Variants in ACAP3 observed in about 807,000 individuals in gnomAD.
ACAP3 encodes arf-GAP with coiled-coil, ANK repeat and PH domain-containing protein 3.
Under a neutral mutation model 104.1 loss-of-function variants are expected in ACAP3, and 56 were observed. That is an observed-to-expected ratio of 0.54 (90% CI 0.43 to 0.67). The LOEUF is 0.67. Ranked by LOEUF, ACAP3 falls within the 30% of genes least tolerant of loss-of-function variation. ACAP3 has a pLI of 0.00. For missense variants in ACAP3, 1,208 were observed against 1,174.9 expected (o/e 1.03, Z -0.41); for synonymous variants, 628 against 496.2 (o/e 1.27, Z -3.53).
At chr1:1,304,386 G>A (rs1405388564) in intron 1 of ACAP3, 2 of 592,616 alleles carry the variant, frequency 3.4e-6, no homozygotes, top group Admixed American at 6.0e-5. Context: ...AAGAAGGCTG[G>A]ACCAGCCTCT....
At chr1:1,297,801 C>G (rs759534335) in intron 14 of ACAP3, 21 bp downstream of exon 14, 1 of 1,606,700 alleles carries the variant, frequency 6.2e-7, no homozygotes, top group Non-Finnish European at 8.5e-7. Flanking sequence ...GGGCTTGGGG[C>G]AGGGGCACCA....
intron 6 of ACAP3, 138 bp from the exon 7 acceptor site, chr1:1,300,340 C>T: frequency 1.6e-6 from 2 of 1,264,268 alleles, no homozygotes; most frequent in Non-Finnish European, 2.2e-6. Context: ...TCTGGGCCAG[C>T]CTCATCCTCC....
intron 5 of ACAP3, chr1:1,301,695 T>A: frequency 3.9e-5 from 9 of 231,124 alleles, no homozygotes; most frequent in Non-Finnish European, 5.7e-5. Flanking sequence ...CCCACCTCAC[T>A]CTCAAGATCT....
Position 1,298,684 on chromosome 1 carries a change from G to C in ACAP3, c.751-5C>G, listed in dbSNP as rs371228230. 2.0e-5 allele frequency: 33 copies of C among 1,610,476 alleles called. No homozygotes were observed. Among genetic ancestry groups the C allele is most frequent in the Non-Finnish European group, 2.6e-5 (31 of 1,178,072 alleles). ...GGACTCATCGTAGGAGAAGTCCTGG[G>C]GGGATGGAACCCGCCCCCTCAGTGC... On this transcript the variant is annotated splice_region_variant and splice_polypyrimidine_tract_variant and intron_variant, in intron 10 of 23. Coordinates refer to ENST00000354700, the MANE Select transcript of ACAP3 (RefSeq NM_030649.3).
chr1:1,303,178 C>T lies in ACAP3; in HGVS notation c.209G>A (p.Gly70Asp). ...GVRDLSQQCQ[G>D]DTVISECLQR... ...GCCCCTCACCGAGATGACGGTGTCGCCCTGGCACTGCTGGGACAGGTCGCG... is the reference window on the plus strand; with the variant it reads ...GCCCCTCACCGAGATGACGGTGTCGTCCTGGCACTGCTGGGACAGGTCGCG... The change falls in exon 3 of 24, where the codon GGC becomes GAC. Residue 70 changes from glycine (G) to aspartate (D), a missense_variant. By Grantham distance (94) the Gly-to-Asp change is moderately conservative. Transcript: ENST00000354700. The surrounding 1 kb of genome is among the most constrained non-coding windows in gnomAD (Gnocchi z 4.0). The T allele has an allele frequency of 6.2e-7, 1 of 1,604,554 alleles. No homozygotes were observed. Among genetic ancestry groups the T allele is most frequent in the Non-Finnish European group, 8.5e-7 (1 of 1,176,548 alleles).
rs1321205566 is a variant in ACAP3 at position 1,298,687 on chromosome 1, G to T, written c.751-8C>A. The T allele has an allele frequency of 6.2e-7, 1 of 1,607,600 alleles. No homozygotes were observed. The highest frequency in any genetic ancestry group is 1.7e-5 in the Admixed American group (1 of 59,852). On this transcript the variant is annotated splice_region_variant and splice_polypyrimidine_tract_variant and intron_variant, in intron 10 of 23. Transcript: ENST00000354700. Reference sequence around the variant, plus strand: ...CTCATCGTAGGAGAAGTCCTGGGGGGATGGAACCCGCCCCCTCAGTGCCCA... The same window carrying T: ...CTCATCGTAGGAGAAGTCCTGGGGGTATGGAACCCGCCCCCTCAGTGCCCA...
Position 1,294,540 on chromosome 1 carries a change from G to C in ACAP3, c.2001C>G (p.His667Gln). The C allele has an allele frequency of 6.7e-7, 1 of 1,497,292 alleles. No homozygotes were observed. The highest frequency in any genetic ancestry group is 8.8e-7 in the Non-Finnish European group (1 of 1,133,476). The allele number at this position is 1,497,292 out of a possible 1,614,324, so 92.8% of individuals were successfully genotyped here. A position where few individuals can be genotyped will look rare whatever the true frequency, so the allele number is the denominator to read the frequency against. The change falls in exon 21 of 24, where the codon CAC becomes CAG. Residue 667 changes from histidine (H) to glutamine (Q), a missense_variant. His to Gln is a conservative substitution (Grantham distance 24). Coordinates refer to ENST00000354700, the MANE Select transcript of ACAP3 (RefSeq NM_030649.3). Reference protein sequence around the residue: ...AWGLADVRELHPGLLAHRAAR... With the variant: ...AWGLADVRELQPGLLAHRAAR... ...CTGCGCGGTGCGCCAAGAGCCCCGG[G>C]TGCAGCTCGCGCACGTCCGCCAGGC... is the stretch of plus-strand genomic sequence containing the variant.
At position 1,293,677 on chromosome 1, in the gene ACAP3, GCATTT is replaced by G; in HGVS notation, c.2387_2391del (p.Glu796AlafsTer70). 7.0e-7 allele frequency: 1 copy of G among 1,435,970 alleles called. No homozygotes were observed. Among genetic ancestry groups the G allele is most frequent in the Non-Finnish European group, 9.1e-7 (1 of 1,103,972 alleles). 89.0% of individuals were successfully genotyped at this position (1,435,970 alleles called of 1,614,324 possible). On this transcript the variant is annotated frameshift_variant, in exon 24 of 24. Coordinates refer to ENST00000354700, the MANE Select transcript of ACAP3 (RefSeq NM_030649.3). LOFTEE classifies it high-confidence loss of function. ...GGACCAGGGGCAGCCTCGGCCTCGC[GCATTT>G]CCTCCGCCATGCGCGCCAGACGGAG... is the stretch of plus-strand genomic sequence containing the variant.
intron 5 of ACAP3, chr1:1,301,358 C>G (rs1641437205): frequency 6.7e-6 from 1 of 149,904 alleles, no homozygotes; most frequent in Non-Finnish European, 1.5e-5. Flanking sequence ...CTCCTGGGCT[C>G]AACTGATCCT....
rs569344145 is a variant in ACAP3, at chr1:1,303,179, C to T, written c.208G>A (p.Gly70Ser). Residue 70 changes from glycine to serine, a missense_variant, in exon 3 of 24, where the codon GGC becomes AGC. Transcript: ENST00000354700. The surrounding 1 kb of genome is among the most constrained non-coding windows in gnomAD (Gnocchi z 4.0). ...CCCCTCACCGAGATGACGGTGTCGC[C>T]CTGGCACTGCTGGGACAGGTCGCGG... is the stretch of plus-strand genomic sequence containing the variant. ...GVRDLSQQCQ[G>S]DTVISECLQR... 2.5e-6 allele frequency: 4 copies of T among 1,604,872 alleles called. No individual in the cohort carries two copies. The highest frequency in any genetic ancestry group is 2.2e-5 in the South Asian group (2 of 89,304).
At position 1,293,607 on chromosome 1, in the gene ACAP3, C is replaced by G; in HGVS notation, c.2462G>C (p.Arg821Thr). 1 of 1,496,890 alleles carries G rather than the reference C, an allele frequency of 6.7e-7. No individual in the cohort carries two copies. The highest frequency in any genetic ancestry group is 8.9e-7 in the Non-Finnish European group (1 of 1,128,368). 92.7% of individuals were successfully genotyped at this position (1,496,890 alleles called of 1,614,324 possible). ...GAGGCTGATGAACTCCTGGATACAC[C>G]TGCGGAACTGGAGCTCCGTGGGGCT... ...AGSPTELQFR[R>T]CIQEFISLHL... Residue 821 changes from arginine to threonine, a missense_variant, in exon 24 of 24, where the codon AGG becomes ACG. Physicochemically the swap from Arg to Thr is moderately conservative, Grantham distance 71 (BLOSUM62 -1). Coordinates refer to ENST00000354700, the MANE Select transcript of ACAP3 (RefSeq NM_030649.3).
rs148086102 is a variant in ACAP3 at position 1,298,165 on chromosome 1, C to T, written c.916-52G>A. 3 of 1,567,118 alleles carry T rather than the reference C, an allele frequency of 1.9e-6. No homozygotes were observed. In the African/African-American group the frequency reaches 4.1e-5, roughly 21 times the overall value. ...GCCCTCAGCCACCACCCGGCCCCGA[C>T]CACCCACTTCCTGCTTCACCTTGGA... On this transcript the variant is annotated intron_variant, in intron 12 of 23. Transcript: ENST00000354700.
At chr1:1,307,273 C>T (rs1288790378) in intron 1 of ACAP3, 1 of 1,288,558 alleles carries the variant, frequency 7.8e-7, no homozygotes, top group African/African-American at 1.5e-5. Context: ...CGCCGCTCTT[C>T]TCGGCCGCCA....
At chr1:1,293,982 G>C (rs753260669) in intron 22 of ACAP3, 49 bp from the exon 23 acceptor site, 3 of 1,477,040 alleles carry the variant, frequency 2.0e-6, no homozygotes, top group Non-Finnish European at 2.7e-6. Context: ...GGGGCGGGGC[G>C]AGTGTGGTCG....
In ACAP3 at chr1:1,304,069, C is replaced by T. The variant is rs1487477015; in HGVS notation, c.105+17G>A. ...CAAGCTTGGCCGGGCACAGGGCGCT[C>T]CAGGCCCGCCCTTCACCTTGTCCAG... On this transcript the variant is annotated intron_variant, in intron 2 of 23. Transcript: ENST00000354700. 2.6e-6 allele frequency: 4 copies of T among 1,550,498 alleles called. No individual in the cohort carries two copies. The highest frequency in any genetic ancestry group is 2.4e-5 in the East Asian group (1 of 40,926).
rs1020957331 is a variant in ACAP3 at position 1,307,757 on chromosome 1, C to T, written c.47+12G>A. ...CGGCCTGCGCCCACCCCGGCGGCCC[C>T]GGGCGGCGCACCTGAAGCGCGGGGA... On this transcript the variant is annotated intron_variant, in intron 1 of 23. Transcript: ENST00000354700. 65 of 1,098,124 alleles carry T rather than the reference C, an allele frequency of 5.9e-5. No homozygotes were observed. Among genetic ancestry groups the T allele is most frequent in the Non-Finnish European group, 7.0e-5 (63 of 902,732 alleles). 68.0% of individuals were successfully genotyped at this position (1,098,124 alleles called of 1,614,324 possible).
rs1179873555 is a variant in ACAP3, at chr1:1,307,107, C to T, written c.47+662G>A. On this transcript the variant is annotated intron_variant, in intron 1 of 23. Coordinates refer to ENST00000354700, the MANE Select transcript of ACAP3 (RefSeq NM_030649.3). ...AGAGAGGTTTCTTTGCCTCCATTGT[C>T]GTTTGCCAAATGTCCACCAAGCAAA... 1.5e-5 allele frequency: 17 copies of T among 1,130,952 alleles called. No homozygotes were observed. In the Admixed American group the frequency reaches 2.5e-4, roughly 17 times the overall value. The allele number at this position is 1,130,952 out of a possible 1,614,324, so 70.1% of individuals were successfully genotyped here.
intron 19 of ACAP3, among the ~76,000 whole-genome samples, 192 bp downstream of exon 19, chr1:1,295,255 C>T (rs1208931529): frequency 6.6e-6 from 1 of 152,162 alleles, no homozygotes; most frequent in East Asian, 1.9e-4. Flanking sequence ...CAGGTGCACA[C>T]AGCCCACACA....
chr1:1,302,114 C>T (rs114814219), intron 4 of ACAP3, 68 bp from the exon 5 acceptor site: 31,433 of 1,340,166 alleles, frequency 0.023, 453 homozygotes, highest in South Asian at 0.034. Context: ...AAGGCCCCAT[C>T]CTCACCAGCA....
Sources: gnomAD v4.1 joint callset for allele counts (sites outside exome capture counted in the v4.1 genomes callset) on GRCh38, gnomAD v4.1.1 for gene constraint, Gnocchi (gnomAD v3.1) non-coding constraint, MANE v1.5 for transcripts, NCBI Gene and HGNC (gene_info 2026-07-23, HGNC 2026-07-21) for gene names.